SLC12A2: variants seen among roughly 807,000 people sequenced by gnomAD.
The protein encoded by SLC12A2 is solute carrier family 12 member 2.
Under a neutral mutation model 136.3 loss-of-function variants are expected in SLC12A2, and 67 were observed. The ratio of observed to expected loss-of-function variants is 0.49; its 90% CI spans 0.40 to 0.60. The LOEUF is 0.60. Among genes scored for constraint, SLC12A2 ranks in the 20% least tolerant of loss-of-function variants. SLC12A2 has a pLI of 0.00. For missense variants in SLC12A2, 1,322 were observed against 1,534.7 expected (o/e 0.86, Z 2.32); for synonymous variants, 619 against 562.9 (o/e 1.10, Z -1.41).
intron 1 of SLC12A2, among the ~76,000 whole-genome samples, chr5:128,111,860 A>G (rs1175046266): frequency 6.6e-6 from 1 of 151,872 alleles, no homozygotes; most frequent in Non-Finnish European, 1.5e-5. Flanking sequence ...AGAATTCACT[A>G]AAGGATGTGA....
At chr5:128,185,188 C>A (rs182268238) in intron 26 of SLC12A2, among the ~76,000 whole-genome samples, 2 of 152,232 alleles carry the variant, frequency 1.3e-5, no homozygotes, top group East Asian at 3.9e-4. Flanking sequence ...GAGGGTCCTA[C>A]GTTAAAATTT....
At chr5:128,155,101 A>G (rs1276522526) in intron 15 of SLC12A2, among the ~76,000 whole-genome samples, 1 of 152,154 alleles carries the variant, frequency 6.6e-6, no homozygotes, top group African/African-American at 2.4e-5. Flanking sequence ...TAACCAGGAC[A>G]GATGTTGGGC....
chr5:128,152,594 A>G, intron 14 of SLC12A2, 112 bp from the exon 15 acceptor site: 1 of 719,904 alleles, frequency 1.4e-6, no homozygotes, highest in Non-Finnish European at 2.6e-6. Context: ...AGTGTATTTC[A>G]GCAATTGACT....
At chr5:128,097,183 T>C (rs1327322789) in intron 1 of SLC12A2, among the ~76,000 whole-genome samples, 1 of 133,592 alleles carries the variant, frequency 7.5e-6, no homozygotes, top group Non-Finnish European at 1.6e-5. Flanking sequence ...TTATTTCAAA[T>C]GTTTATTGTT....
At chr5:128,105,102 A>C (rs1022841835) in intron 1 of SLC12A2, among the ~76,000 whole-genome samples, 1 of 152,206 alleles carries the variant, frequency 6.6e-6, no homozygotes, top group African/African-American at 2.4e-5. Flanking sequence ...TTCCCTCTCC[A>C]TTTTGACAGA....
At position 128,153,356 on chromosome 5, in the gene SLC12A2, A is replaced by C. The variant is rs185007265; in HGVS notation, c.2363+551A>C. Among the ~76,000 whole-genome samples, 1,082 of 152,296 alleles carry C rather than the reference A, an allele frequency of 7.1e-3. 15 individuals carry two copies. Among genetic ancestry groups the C allele is most frequent in the Middle Eastern group, 0.01 (3 of 294 alleles). On this transcript the variant is annotated intron_variant, in intron 15 of 26. Transcript: ENST00000262461. ...GATCAGTTGAGGTCAGGAGTTTGAG[A>C]CCAGCCTGGCCAACATGGTGAAACC...
At chr5:128,104,231 A>G (rs920346130) in intron 1 of SLC12A2, among the ~76,000 whole-genome samples, 1 of 152,202 alleles carries the variant, frequency 6.6e-6, no homozygotes, top group African/African-American at 2.4e-5. Flanking sequence ...ATAATGTAGA[A>G]ACGGAATGAT....
intron 1 of SLC12A2, among the ~76,000 whole-genome samples, chr5:128,102,245 C>A (rs1209407011): frequency 1.3e-5 from 2 of 151,868 alleles, no homozygotes; most frequent in Non-Finnish European, 2.9e-5. Context: ...ACATAAAATA[C>A]AAATGTATAA....
chr5:128,168,054 A>G, intron 18 of SLC12A2, 187 bp downstream of exon 18: 1 of 479,454 alleles, frequency 2.1e-6, no homozygotes, highest in East Asian at 3.7e-5. Context: ...TGATCTTTAT[A>G]TGTCTCTTTA....
chr5:128,141,954 T>C lies in SLC12A2; in HGVS notation c.1746T>C (p.Cys582=). Residue 582 remains cysteine, a synonymous_variant, in exon 10 of 27, where the codon TGT becomes TGC. Coordinates refer to ENST00000262461, the MANE Select transcript of SLC12A2 (RefSeq NM_001046.3). ...FDFSSCESSP[C]SYGLMNNFQV... The stretch of plus-strand genomic sequence containing the variant: ...TTTCATCTTGTGAAAGCAGTCCTTG[T>C]TCCTATGGCCTAATGAACAACTTCC... The C allele has an allele frequency of 6.2e-7, 1 of 1,613,996 alleles. No individual in the cohort carries two copies. The highest frequency in any genetic ancestry group is 1.1e-5 in the South Asian group (1 of 91,074).
intron 4 of SLC12A2, among the ~76,000 whole-genome samples, chr5:128,128,039 C>T (rs1021082460): frequency 2.6e-5 from 4 of 152,008 alleles, no homozygotes; most frequent in East Asian, 1.9e-4. Context: ...CTTCACTTTT[C>T]GTTATCAAAT....
rs1023897845 is a variant in SLC12A2, at chr5:128,158,089, A to T, written c.2400A>T (p.Ser800=). The part of the protein sequence containing the change: ...QCLVMTGAPN[S]RPALLHLVHD... Reference sequence around the variant, plus strand: ...TTGTTATGACAGGTGCTCCAAACTCACGTCCAGCTTTACTTCATCTTGTTC... The same window carrying T: ...TTGTTATGACAGGTGCTCCAAACTCTCGTCCAGCTTTACTTCATCTTGTTC... Residue 800 remains serine (S), a synonymous_variant, in exon 16 of 27, where the codon TCA becomes TCT. Transcript: ENST00000262461. The T allele has an allele frequency of 6.2e-7, 1 of 1,613,730 alleles. No individual in the cohort carries two copies. Among genetic ancestry groups the T allele is most frequent in the Non-Finnish European group, 8.5e-7 (1 of 1,179,824 alleles).
rs760104976 is a variant in SLC12A2 at position 128,178,697 on chromosome 5, T to G, written c.3100+8T>G. On this transcript the variant is annotated splice_region_variant and intron_variant, in intron 22 of 26. Transcript: ENST00000262461. ...GGCTTTTTGATGATGGAGGTAAGGT[T>G]GTTAATTTTTTTAAAATGATTTTAA... The G allele has an allele frequency of 2.6e-6, 4 of 1,534,528 alleles. No homozygotes were observed. The South Asian group carries it at 3.9e-5, about 15-fold the overall frequency.
At chr5:128,092,371 C>A (rs150173744) in intron 1 of SLC12A2, among the ~76,000 whole-genome samples, 11 of 152,190 alleles carry the variant, frequency 7.2e-5, no homozygotes, top group African/African-American at 2.4e-4. Flanking sequence ...ATAGGGCTGA[C>A]GGTCTTGGAA....
rs142866372 is a variant in SLC12A2, at chr5:128,177,921, C to T, written c.2978-646C>T. Reference sequence around the variant, plus strand: ...TTCTCAGACCTGCAGCAGATGGGTGCCCTTTGAAGGAGCTCCCACCATCTT... The same window carrying T: ...TTCTCAGACCTGCAGCAGATGGGTGTCCTTTGAAGGAGCTCCCACCATCTT... On this transcript the variant is annotated intron_variant, in intron 21 of 26. Coordinates refer to ENST00000262461, the MANE Select transcript of SLC12A2 (RefSeq NM_001046.3). 4.0e-3 allele frequency among the ~76,000 whole-genome samples: 602 copies of T among 152,182 alleles called. 5 individuals carry two copies. Among genetic ancestry groups the T allele is most frequent in the African/African-American group, 0.014 (587 of 41,508 alleles).
chr5:128,108,269 A>G (rs868696230), intron 1 of SLC12A2, among the ~76,000 whole-genome samples: 2 of 152,332 alleles, frequency 1.3e-5, no homozygotes, highest in Middle Eastern at 3.4e-3. Flanking sequence ...AGTCACTTCA[A>G]GAATTATATT....
At chr5:128,129,566 G>A (rs1022019895) in intron 4 of SLC12A2, among the ~76,000 whole-genome samples, 3 of 151,666 alleles carry the variant, frequency 2.0e-5, no homozygotes, top group Admixed American at 6.6e-5. Context: ...CAAATTGATA[G>A]GAATCAACTA....
chr5:128,153,542 G>A (rs1170922818), intron 15 of SLC12A2, among the ~76,000 whole-genome samples: 3 of 152,064 alleles, frequency 2.0e-5, no homozygotes, highest in African/African-American at 2.4e-5. Context: ...GCAACAGAGC[G>A]AGACTCCATC....
chr5:128,168,118 G>A (rs1420114156), intron 18 of SLC12A2: 3 of 270,826 alleles, frequency 1.1e-5, no homozygotes, highest in Non-Finnish European at 2.0e-5. Context: ...GTATGTATAT[G>A]TATATATGTA....
Sources: allele counts gnomAD v4.1 joint callset (sites outside exome capture counted in the v4.1 genomes callset), GRCh38; gene constraint gnomAD v4.1.1; transcripts MANE v1.5; gene names NCBI Gene and HGNC (gene_info 2026-07-23, HGNC 2026-07-21).